The following ATF7IP variants were observed in gnomAD, a reference collection of about 807,000 sequenced individuals.
ATF7IP encodes activating transcription factor 7-interacting protein 1.
ATF7IP carries 23 observed loss-of-function variants against 106.4 expected under a neutral mutation model. That is an observed-to-expected ratio of 0.22 (90% CI 0.16 to 0.31). The LOEUF (loss-of-function observed/expected upper bound fraction) is 0.31, where lower values mean the gene tolerates loss of function less well. ATF7IP is among the 10% of genes least tolerant of loss of function. The pLI is 1.00. For synonymous variants in ATF7IP, 542 were observed against 539.0 expected, an observed-to-expected ratio of 1.01 and a Z score of -0.08; for missense variants, 1,334 against 1,524.3, an observed-to-expected ratio of 0.88 and a Z score of 2.08.
chr12:14,436,031 G>T (rs982934408), intron 3 of ATF7IP, 75 bp from the exon 4 acceptor site: 4 of 1,424,022 alleles, frequency 2.8e-6, no homozygotes, highest in African/African-American at 2.9e-5. Context: ...ATAATATTTT[G>T]CTAAGGATGG....
chr12:14,402,725 C>T (rs1940322882), intron 1 of ATF7IP, among the ~76,000 whole-genome samples: 1 of 151,388 alleles, frequency 6.6e-6, no homozygotes, highest in African/African-American at 2.4e-5. Flanking sequence ...TCTCCTGCCT[C>T]GCTTCCTGAG....
chr12:14,385,531 CTT>C lies in ATF7IP; in HGVS notation c.-8+19706_-8+19707del, dbSNP rs758949928. On this transcript the variant is annotated intron_variant, in intron 1 of 14. Coordinates refer to ENST00000261168, the MANE Select transcript of ATF7IP (RefSeq NM_018179.5). ...AAAAAGTTGAAATGTTTGGTAGAAC[CTT>C]TAAGCCTTTATTATGGAAACAGTAC... 1.2e-3 allele frequency: 911 copies of C among 732,916 alleles called. 1 individual carries two copies. The highest frequency in any genetic ancestry group is 1.8e-3 in the Non-Finnish European group (839 of 457,516). The allele number at this position is 732,916 out of a possible 1,614,324, so 45.4% of individuals were successfully genotyped here. A position where few individuals can be genotyped will look rare whatever the true frequency, so the allele number is the denominator to read the frequency against.
intron 1 of ATF7IP, chr12:14,419,438 A>G (rs1189982771): frequency 1.3e-5 from 2 of 152,188 alleles, no homozygotes; most frequent in Admixed American, 1.3e-4. Flanking sequence ...GCAATTGGTA[A>G]TAACTACCAG....
chr12:14,377,000 T>C (rs1938769704), intron 1 of ATF7IP, among the ~76,000 whole-genome samples: 1 of 152,172 alleles, frequency 6.6e-6, no homozygotes, highest in Non-Finnish European at 1.5e-5. Flanking sequence ...ATTTATTTGT[T>C]TGTTTGTTTT....
intron 9 of ATF7IP, among the ~76,000 whole-genome samples, chr12:14,462,878 CTTCAT>C (rs1330814683): frequency 2.0e-5 from 3 of 151,812 alleles, no homozygotes; most frequent in African/African-American, 4.8e-5. Flanking sequence ...ATATCAAGAT[CTTCAT>C]TTCAAGTTCC....
chr12:14,422,347 A>C (rs1438237425), intron 1 of ATF7IP, among the ~76,000 whole-genome samples: 1 of 147,696 alleles, frequency 6.8e-6, no homozygotes, highest in East Asian at 1.9e-4. Flanking sequence ...ACACACACAC[A>C]CACACACACA....
At chr12:14,472,149 T>G (rs1335419544) in intron 10 of ATF7IP, among the ~76,000 whole-genome samples, 1 of 152,198 alleles carries the variant, frequency 6.6e-6, no homozygotes, top group African/African-American at 2.4e-5. Context: ...TGCCCTCTAA[T>G]GCCTTGAAAT....
At chr12:14,449,091 TTTGTTTCCTTTTCTCTCGA>T (rs1943096902) in intron 6 of ATF7IP, among the ~76,000 whole-genome samples, 1 of 152,178 alleles carries the variant, frequency 6.6e-6, no homozygotes, top group Non-Finnish European at 1.5e-5. Context: ...TTTTGCATCC[TTTGTTTCCTTTTCTCTCGA>T]TTGTTTCCTT....
intron 13 of ATF7IP, among the ~76,000 whole-genome samples, chr12:14,483,234 G>T (rs1013461476): frequency 6.6e-6 from 1 of 152,068 alleles, no homozygotes; most frequent in Non-Finnish European, 1.5e-5. Flanking sequence ...TATTTTTATT[G>T]CTGCCTAAAT....
chr12:14,500,640 G>A lies in ATF7IP; in HGVS notation c.*2567G>A, dbSNP rs1411774856. 1.3e-5 allele frequency: 2 copies of A among 151,986 alleles called. No homozygotes were observed. The highest frequency in any genetic ancestry group is 1.3e-4 in the Admixed American group (2 of 15,258). The allele number at this position is 151,986 out of a possible 1,614,324, so 9.4% of individuals were successfully genotyped here. A position where few individuals can be genotyped will look rare whatever the true frequency, so the allele number is the denominator to read the frequency against. ...CCCATGTTCAAATTGTTCTTTATTG[G>A]GTGTTTTTATGGTCACGTGGTAACA... is the stretch of plus-strand genomic sequence containing the variant. On this transcript the variant is annotated 3_prime_UTR_variant, in exon 15 of 15. Transcript: ENST00000261168.
At chr12:14,476,108 G>T in intron 11 of ATF7IP, 140 bp downstream of exon 11, 1 of 686,614 alleles carries the variant, frequency 1.5e-6, no homozygotes, top group East Asian at 3.0e-5. Flanking sequence ...AAGTTTTTTA[G>T]ATTAGAATTT....
chr12:14,497,997 A>C lies in ATF7IP; in HGVS notation c.3737A>C (p.Lys1246Thr). The C allele has an allele frequency of 6.2e-7, 1 of 1,614,048 alleles. No individual in the cohort carries two copies. The highest frequency in any genetic ancestry group is 8.5e-7 in the Non-Finnish European group (1 of 1,179,884). ...GSKYYFAVRA[K>T]DIYGRFGPFC... ...AAATACTACTTTGCAGTACGAGCCA[A>C]GGATATTTATGGACGTTTTGGGCCT... Residue 1246 changes from lysine (K) to threonine (T), a missense_variant, in exon 15 of 15, where the codon AAG (lysine) becomes ACG (threonine). Transcript: ENST00000261168.
At chr12:14,457,470 GTCTCA>G (rs1207123282) in intron 8 of ATF7IP, among the ~76,000 whole-genome samples, 175 bp downstream of exon 8, 2 of 152,160 alleles carry the variant, frequency 1.3e-5, no homozygotes, top group African/African-American at 4.8e-5. Flanking sequence ...CATGCTTATA[GTCTCA>G]GCTACTTAGG....
intron 10 of ATF7IP, among the ~76,000 whole-genome samples, chr12:14,472,554 C>T (rs541558658): frequency 3.2e-4 from 48 of 152,232 alleles, no homozygotes; most frequent in African/African-American, 1.1e-3. Flanking sequence ...CCTGAAACCA[C>T]CCTGGTCCAG....
chr12:14,441,798 A>G (rs1242271042), intron 5 of ATF7IP, among the ~76,000 whole-genome samples: 1 of 151,944 alleles, frequency 6.6e-6, no homozygotes, highest in Non-Finnish European at 1.5e-5. Context: ...CCAGGATACC[A>G]AACTCACCGC....
chr12:14,430,270 T>C (rs1942052637), intron 2 of ATF7IP, among the ~76,000 whole-genome samples: 2 of 152,166 alleles, frequency 1.3e-5, no homozygotes, highest in Non-Finnish European at 2.9e-5. Flanking sequence ...CTGCTGTGTG[T>C]GCTCATAAGA....
chr12:14,402,065 C>CT (rs540179328), intron 1 of ATF7IP, among the ~76,000 whole-genome samples: 68 of 137,224 alleles, frequency 5.0e-4, no homozygotes, highest in African/African-American at 8.6e-4. Context: ...GTGGAATTTT[C>CT]TTTTTTTTTT....
rs576455278 is a variant in ATF7IP, at chr12:14,386,332, G to A, written c.-8+20505G>A. ...ATGGGAGAATGAAATTCTTATTCACGTAGTATTTCAGATAGCAGAAAAGGC... is the reference window on the plus strand; with the variant it reads ...ATGGGAGAATGAAATTCTTATTCACATAGTATTTCAGATAGCAGAAAAGGC... On this transcript the variant is annotated intron_variant, in intron 1 of 14. Transcript: ENST00000261168. 5.9e-5 allele frequency among the ~76,000 whole-genome samples: 9 copies of A among 152,194 alleles called. No homozygotes were observed. In the South Asian group the frequency reaches 1.2e-3, roughly 21 times the overall value.
intron 1 of ATF7IP, among the ~76,000 whole-genome samples, chr12:14,407,408 TTTTGG>T (rs543259786): frequency 8.0e-4 from 122 of 152,256 alleles, no homozygotes; most frequent in African/African-American, 2.6e-3. Context: ...TCTATTTATT[TTTTGG>T]TTTGGTTTGG....
Sources: gnomAD v4.1 joint callset for allele counts (sites outside exome capture counted in the v4.1 genomes callset) on GRCh38, gnomAD v4.1.1 for gene constraint, MANE v1.5 for transcripts, NCBI Gene and HGNC (gene_info 2026-07-23, HGNC 2026-07-21) for gene names.